Variants in FNDC3A observed in about 807,000 individuals in gnomAD.
FNDC3A encodes the protein fibronectin type III domain containing 3A, also known as fibronectin type-III domain-containing protein 3A.
Under a neutral mutation model 148.9 loss-of-function variants are expected in FNDC3A, and 32 were observed. The observed-to-expected ratio is 0.21, with a 90% CI of 0.16 to 0.29. The LOEUF (loss-of-function observed/expected upper bound fraction) is 0.29. FNDC3A is among the 10% of genes least tolerant of loss of function. FNDC3A has a pLI of 1.00. For missense variants in FNDC3A, 1,191 were observed against 1,452.8 expected, an observed-to-expected ratio of 0.82 and a Z score of 2.93; for synonymous variants, 472 against 473.6, an observed-to-expected ratio of 1.00 and a Z score of 0.04.
At chr13:49,071,366 G>C (rs1877678348) in intron 2 of FNDC3A, among the ~76,000 whole-genome samples, 1 of 152,078 alleles carries the variant, frequency 6.6e-6, no homozygotes, top group Non-Finnish European at 1.5e-5. Flanking sequence ...TTGATATACT[G>C]ATTTCCTTTC....
At chr13:49,106,773 C>CAA (rs543962565) in intron 3 of FNDC3A, among the ~76,000 whole-genome samples, 3,027 of 79,656 alleles carry the variant, frequency 0.038, 142 homozygotes, top group African/African-American at 0.071. Flanking sequence ...TGAATGAAAG[C>CAA]AAAAAAAAAA....
At chr13:49,053,660 A>G (rs1876015742) in intron 2 of FNDC3A, among the ~76,000 whole-genome samples, 1 of 152,182 alleles carries the variant, frequency 6.6e-6, no homozygotes, top group South Asian at 2.1e-4. Context: ...CCTGGAATCA[A>G]TAGAAAGAAG....
At chr13:49,079,075 C>T (rs1237032970) in intron 3 of FNDC3A, among the ~76,000 whole-genome samples, 1 of 152,204 alleles carries the variant, frequency 6.6e-6, no homozygotes, top group Non-Finnish European at 1.5e-5. Context: ...TTGAGAATCA[C>T]AGAGAACTTT....
intron 19 of FNDC3A, among the ~76,000 whole-genome samples, chr13:49,196,007 G>A (rs751247018): frequency 1.9e-4 from 28 of 149,844 alleles, no homozygotes; most frequent in East Asian, 4.0e-4. Flanking sequence ...CCAGGAAGTC[G>A]AGGGTGCAGT....
At chr13:49,003,418 T>G (rs1952162738) in intron 1 of FNDC3A, among the ~76,000 whole-genome samples, 1 of 152,124 alleles carries the variant, frequency 6.6e-6, no homozygotes, top group Admixed American at 6.6e-5. Context: ...TTTTCTATCT[T>G]TTTTTAAAAA....
Position 49,152,780 on chromosome 13 carries a change from G to A in FNDC3A, c.977+6845G>A, listed in dbSNP as rs867577353. Among the ~76,000 whole-genome samples, 1,182 of 149,118 alleles carry A rather than the reference G, an allele frequency of 7.9e-3. 14 individuals carry two copies. Among genetic ancestry groups the A allele is most frequent in the African/African-American group, 0.028 (1,133 of 40,492 alleles). ...GAGAATATGCGGTGTTTGGTTTTTT[G>A]TTCTTGCGATAGTTTACTGAGAATG... On this transcript the variant is annotated intron_variant, in intron 8 of 25. Coordinates refer to ENST00000492622, the MANE Select transcript of FNDC3A (RefSeq NM_001079673.2).
chr13:49,033,628 G>C (rs1038677316), intron 2 of FNDC3A, among the ~76,000 whole-genome samples: 2 of 151,836 alleles, frequency 1.3e-5, no homozygotes, highest in Non-Finnish European at 2.9e-5. Flanking sequence ...TGTGGAAGCA[G>C]CAGTTGAATG....
At chr13:49,144,029 C>A (rs140809323) in intron 7 of FNDC3A, among the ~76,000 whole-genome samples, 155 of 149,820 alleles carry the variant, frequency 1.0e-3, no homozygotes, top group African/African-American at 1.1e-3. Context: ...ACTACTACTA[C>A]TACTAATAAT....
chr13:49,055,575 A>T (rs1443204325), intron 2 of FNDC3A, among the ~76,000 whole-genome samples: 1 of 152,192 alleles, frequency 6.6e-6, no homozygotes, highest in Admixed American at 6.5e-5. Context: ...TCTGCATGAT[A>T]AAATTTGGTC....
chr13:49,127,107 C>G (rs1185779307), intron 4 of FNDC3A, among the ~76,000 whole-genome samples: 1 of 152,312 alleles, frequency 6.6e-6, no homozygotes, highest in South Asian at 2.1e-4. Flanking sequence ...CTTTCCTGCT[C>G]CTGTCCAGAC....
At chr13:49,090,366 A>T (rs1879104562) in intron 3 of FNDC3A, among the ~76,000 whole-genome samples, 1 of 152,190 alleles carries the variant, frequency 6.6e-6, no homozygotes, top group Non-Finnish European at 1.5e-5. Context: ...GTGAGCCAAG[A>T]TCACGCCACT....
At chr13:49,158,342 G>A (rs1014119566) in intron 8 of FNDC3A, among the ~76,000 whole-genome samples, 1 of 152,218 alleles carries the variant, frequency 6.6e-6, no homozygotes, top group Non-Finnish European at 1.5e-5. Context: ...GACCCCTTGC[G>A]CTTCCCAAGT....
chr13:49,057,937 C>T (rs945538807), intron 2 of FNDC3A, among the ~76,000 whole-genome samples: 1 of 152,034 alleles, frequency 6.6e-6, no homozygotes, highest in African/African-American at 2.4e-5. Context: ...TGTATCTCCC[C>T]CCCAAAATTT....
Position 49,136,535 on chromosome 13 carries a change from A to C in FNDC3A, c.694A>C (p.Thr232Pro). The change falls in exon 6 of 26, where the codon ACA (threonine) becomes CCA (proline). Residue 232 changes from threonine (T) to proline (P), a missense_variant. Transcript: ENST00000492622. ...AGGACAAATTGCTGGTGGTATAAACACAGGATCAGCAAAAATCAAGTCTGG... is the reference window on the plus strand; with the variant it reads ...AGGACAAATTGCTGGTGGTATAAACCCAGGATCAGCAAAAATCAAGTCTGG... ...IKGQIAGGIN[T>P]GSAKIKSGKG... The C allele has an allele frequency of 6.2e-7, 1 of 1,614,116 alleles. No homozygotes were observed. Among genetic ancestry groups the C allele is most frequent in the Non-Finnish European group, 8.5e-7 (1 of 1,179,964 alleles).
intron 4 of FNDC3A, among the ~76,000 whole-genome samples, chr13:49,116,168 A>C (rs1880944606): frequency 1.3e-5 from 2 of 152,114 alleles, no homozygotes; most frequent in South Asian, 4.2e-4. Context: ...TTTTGTGGCA[A>C]ACTCCTATCC....
chr13:49,094,336 C>A (rs910791233), intron 3 of FNDC3A, among the ~76,000 whole-genome samples: 6 of 152,008 alleles, frequency 3.9e-5, no homozygotes, highest in African/African-American at 7.2e-5. Flanking sequence ...TTTTCCAATT[C>A]ATTTTACTGA....
intron 2 of FNDC3A, among the ~76,000 whole-genome samples, chr13:49,014,254 C>T: frequency 1.1e-5 from 1 of 88,526 alleles, no homozygotes; most frequent in Non-Finnish European, 2.3e-5. Flanking sequence ...TCCTCTCCAG[C>T]ACCTGTTGTT....
At chr13:49,110,261 C>G (rs1007728944) in intron 3 of FNDC3A, 27 of 1,274,382 alleles carry the variant, frequency 2.1e-5, no homozygotes, top group Non-Finnish European at 2.8e-5. Context: ...ATGACTGTCA[C>G]GTGACTCGGT....
intron 8 of FNDC3A, among the ~76,000 whole-genome samples, chr13:49,149,921 T>C (rs1183206959): frequency 1.3e-5 from 2 of 152,228 alleles, no homozygotes; most frequent in Admixed American, 6.5e-5. Flanking sequence ...TGGTAGGTAG[T>C]ATGTATCTAG....
Sources: gnomAD v4.1 joint callset for allele counts (sites outside exome capture counted in the v4.1 genomes callset) on GRCh38, gnomAD v4.1.1 for gene constraint, MANE v1.5 for transcripts, NCBI Gene and HGNC (gene_info 2026-07-23, HGNC 2026-07-21) for gene names.